Variants in HDAC4 observed in about 807,000 individuals in gnomAD.
HDAC4 encodes the protein histone deacetylase 4, also known as histone deacetylase A.
Under a neutral mutation model 135.1 loss-of-function variants are expected in HDAC4, and 16 were observed. The observed-to-expected ratio is 0.12, with a 90% CI of 0.08 to 0.18. The LOEUF (loss-of-function observed/expected upper bound fraction) is 0.18, where lower values mean the gene tolerates loss of function less well. Ranked by LOEUF, HDAC4 falls within the 10% of genes least tolerant of loss-of-function variation. The pLI is 1.00. For synonymous variants in HDAC4, 685 were observed against 653.4 expected (o/e 1.05, Z -0.74); for missense variants, 1,143 against 1,511.8 (o/e 0.76, Z 4.05).
At chr2:239,281,474 T>C (rs571426805) in intron 2 of HDAC4, among the ~76,000 whole-genome samples, 1 of 133,954 alleles carries the variant, frequency 7.5e-6, no homozygotes, top group East Asian at 2.4e-4. Flanking sequence ...CACTCTACAA[T>C]GTACACACCA....
intron 15 of HDAC4, among the ~76,000 whole-genome samples, chr2:239,107,480 G>C (rs1160919611): frequency 1.3e-5 from 2 of 152,196 alleles, no homozygotes; most frequent in African/African-American, 4.8e-5. Flanking sequence ...ACCAGGCCAG[G>C]GCCCTGCCTG....
chr2:239,071,125 G>A (rs928868198), intron 22 of HDAC4, among the ~76,000 whole-genome samples: 5 of 151,956 alleles, frequency 3.3e-5, no homozygotes, highest in East Asian at 1.9e-4. Context: ...TGGTGGCGGC[G>A]GAGGGAGGGG....
chr2:239,277,938 C>T (rs1275139959), intron 2 of HDAC4, among the ~76,000 whole-genome samples: 1 of 151,980 alleles, frequency 6.6e-6, no homozygotes, highest in Admixed American at 6.6e-5. Flanking sequence ...CAGCCACACA[C>T]GCCAGCCACA....
intron 2 of HDAC4, among the ~76,000 whole-genome samples, chr2:239,321,979 T>C (rs1370863673): frequency 1.3e-5 from 2 of 152,226 alleles, no homozygotes; most frequent in Non-Finnish European, 2.9e-5. Flanking sequence ...CACAGATTTG[T>C]TTAAGCGGAA....
chr2:239,279,508 T>C (rs569512994), intron 2 of HDAC4, among the ~76,000 whole-genome samples: 13 of 152,382 alleles, frequency 8.5e-5, no homozygotes, highest in Non-Finnish European at 1.6e-4. Flanking sequence ...CTCTGAAGTC[T>C]GTCCTCTCTC....
rs758287381 is a variant in HDAC4, at chr2:239,134,459, A to G, written c.1096-16T>C. ...CCGCCGTGCCCTGGAAAGCACAGCC[A>G]GGATGCTCGGGTGGAAGGACCCATC... On this transcript the variant is annotated splice_polypyrimidine_tract_variant and intron_variant, in intron 10 of 26. Transcript: ENST00000543185. 6.2e-7 allele frequency: 1 copy of G among 1,613,872 alleles called. No homozygotes were observed. The highest frequency in any genetic ancestry group is 8.5e-7 in the Non-Finnish European group (1 of 1,179,942).
At chr2:239,168,684 A>G (rs2043262932) in intron 5 of HDAC4, among the ~76,000 whole-genome samples, 1 of 152,106 alleles carries the variant, frequency 6.6e-6, no homozygotes, top group African/African-American at 2.4e-5. Context: ...CACAGACAAG[A>G]ACCTCCTTCA....
intron 5 of HDAC4, among the ~76,000 whole-genome samples, chr2:239,171,239 C>T (rs1274501078): frequency 1.3e-5 from 2 of 149,592 alleles, no homozygotes; most frequent in African/African-American, 4.9e-5. Context: ...GAGAGTGTTA[C>T]CAGTCAGACT....
chr2:239,179,952 T>C (rs1464334978), intron 4 of HDAC4, among the ~76,000 whole-genome samples: 2 of 152,066 alleles, frequency 1.3e-5, no homozygotes, highest in Non-Finnish European at 2.9e-5. Flanking sequence ...AGTGAGCGCG[T>C]GGGATTGAGC....
At chr2:239,163,559 G>A (rs1016302253) in intron 6 of HDAC4, among the ~76,000 whole-genome samples, 4 of 151,994 alleles carry the variant, frequency 2.6e-5, no homozygotes, top group African/African-American at 7.2e-5. Flanking sequence ...GGCAGCTGCC[G>A]TGTGAGTGTA....
intron 6 of HDAC4, among the ~76,000 whole-genome samples, chr2:239,159,104 G>A (rs1053033265): frequency 3.6e-5 from 5 of 140,030 alleles, no homozygotes; most frequent in Non-Finnish European, 6.2e-5. Flanking sequence ...ACACACACCC[G>A]CACTTCACAA....
At position 239,115,725 on chromosome 2, in the gene HDAC4, C is replaced by G. The variant is rs943334660; in HGVS notation, c.1534-415G>C. On this transcript the variant is annotated intron_variant, in intron 12 of 26. Transcript: ENST00000543185. The surrounding 1 kb of genome is among the most constrained non-coding windows in gnomAD (Gnocchi z 6.3). ...AACTGCTAAGAGAAACAGCCCACCA[C>G]CCACTCAGCGGAAGACAACCACGTC... Among the ~76,000 whole-genome samples, 1 of 152,138 alleles carries G rather than the reference C, an allele frequency of 6.6e-6. No individual in the cohort carries two copies. The highest frequency in any genetic ancestry group is 2.4e-5 in the African/African-American group (1 of 41,428).
At chr2:239,102,652 C>A in intron 16 of HDAC4, 124 bp downstream of exon 16, 1 of 1,096,166 alleles carries the variant, frequency 9.1e-7, no homozygotes. Flanking sequence ...CCTTTCAGGC[C>A]CTTTACCTTA....
chr2:239,178,187 C>T (rs1249986097), intron 4 of HDAC4, among the ~76,000 whole-genome samples: 1 of 152,224 alleles, frequency 6.6e-6, no homozygotes, highest in Admixed American at 6.5e-5. Context: ...AGCCTCTCTG[C>T]CACCCTCTGT....
chr2:239,068,015 C>T lies in HDAC4; in HGVS notation c.2869+474G>A, dbSNP rs1427793989. ...ACTGCTGGGCAGTCCCTCCTCCCAT[C>T]CTGACAGCATGGCCCCTAACGCTGA... On this transcript the variant is annotated intron_variant, in intron 23 of 26. Transcript: ENST00000543185. The surrounding 1 kb of genome is among the most constrained non-coding windows in gnomAD (Gnocchi z 4.4). Among the ~76,000 whole-genome samples, 3 of 152,230 alleles carry T rather than the reference C, an allele frequency of 2.0e-5. No individual in the cohort carries two copies. Among genetic ancestry groups the T allele is most frequent in the Non-Finnish European group, 4.4e-5 (3 of 68,034 alleles).
At chr2:239,364,120 CA>C (rs1221416179) in intron 1 of HDAC4, among the ~76,000 whole-genome samples, 1 of 152,172 alleles carries the variant, frequency 6.6e-6, no homozygotes, top group Non-Finnish European at 1.5e-5. Flanking sequence ...ACAAAACAGT[CA>C]ACGGCACACA....
intron 1 of HDAC4, among the ~76,000 whole-genome samples, chr2:239,356,566 G>C (rs1307075742): frequency 6.6e-6 from 1 of 152,048 alleles, no homozygotes. Flanking sequence ...ATTAAAAGAT[G>C]GACAAATGTA....
At chr2:239,312,169 G>A (rs2052912024) in intron 2 of HDAC4, among the ~76,000 whole-genome samples, 1 of 152,198 alleles carries the variant, frequency 6.6e-6, no homozygotes, top group African/African-American at 2.4e-5. Flanking sequence ...AACCTGGAAG[G>A]AGGGGCGGGC....
At chr2:239,375,207 A>C (rs532396651) in intron 1 of HDAC4, among the ~76,000 whole-genome samples, 58 of 152,318 alleles carry the variant, frequency 3.8e-4, no homozygotes, top group African/African-American at 1.4e-3. Flanking sequence ...CGTAGGAAGA[A>C]GTCAGCAGAG....
Sources: gnomAD v4.1 joint callset for allele counts (sites outside exome capture counted in the v4.1 genomes callset) on GRCh38, gnomAD v4.1.1 for gene constraint, Gnocchi (gnomAD v3.1) non-coding constraint, MANE v1.5 for transcripts, NCBI Gene and HGNC (gene_info 2026-07-23, HGNC 2026-07-21) for gene names.